DOCK9: variants seen among roughly 807,000 people sequenced by gnomAD.
DOCK9 encodes dedicator of cytokinesis 9, also known as dedicator of cytokinesis protein 9.
In DOCK9, 89 loss-of-function variants were observed where a neutral mutation model predicts 263.3. The ratio of observed to expected loss-of-function variants is 0.34; its 90% CI spans 0.28 to 0.40. The LOEUF is 0.40. Among genes scored for constraint, DOCK9 ranks in the 10% least tolerant of loss-of-function variants. The pLI is 1.00. For missense variants in DOCK9, 2,140 were observed against 2,603.4 expected (o/e 0.82, Z 3.87); for synonymous variants, 976 against 973.1 (o/e 1.00, Z -0.06).
chr13:98,884,181 T>C (rs1472119112), intron 21 of DOCK9, among the ~76,000 whole-genome samples: 3 of 152,216 alleles, frequency 2.0e-5, no homozygotes, highest in Non-Finnish European at 2.9e-5. Flanking sequence ...AGAATCCTAT[T>C]ACACCAGCAT....
intron 1 of DOCK9, among the ~76,000 whole-genome samples, chr13:99,008,045 T>C (rs534297418): frequency 5.9e-5 from 9 of 151,934 alleles, no homozygotes; most frequent in South Asian, 4.2e-4. Flanking sequence ...TATCACAACA[T>C]TTATAATTGG....
intron 2 of DOCK9, among the ~76,000 whole-genome samples, chr13:98,937,920 T>G (rs1427425734): frequency 6.6e-6 from 1 of 152,212 alleles, no homozygotes; most frequent in Admixed American, 6.5e-5. Flanking sequence ...TCTGAGCCAC[T>G]GTGGGAAGCC....
intron 30 of DOCK9, among the ~76,000 whole-genome samples, chr13:98,864,651 T>C (rs1250075060): frequency 6.6e-6 from 1 of 152,242 alleles, no homozygotes; most frequent in African/African-American, 2.4e-5. Flanking sequence ...ATGGTTTAAC[T>C]GGGAGTGTGC....
chr13:98,876,533 C>T (rs1185230164), intron 27 of DOCK9, among the ~76,000 whole-genome samples: 1 of 152,108 alleles, frequency 6.6e-6, no homozygotes, highest in Non-Finnish European at 1.5e-5. Context: ...ATATTAAAAA[C>T]CCTAAGGGGA....
At chr13:98,996,114 G>A (rs1567184989) in intron 1 of DOCK9, among the ~76,000 whole-genome samples, 1 of 152,174 alleles carries the variant, frequency 6.6e-6, no homozygotes, top group African/African-American at 2.4e-5. Context: ...GGACATATAC[G>A]CACTGGGATG....
intron 1 of DOCK9, among the ~76,000 whole-genome samples, chr13:99,008,950 C>T (rs999251347): frequency 6.6e-6 from 1 of 152,154 alleles, no homozygotes; most frequent in Non-Finnish European, 1.5e-5. Flanking sequence ...ACAATTCAGT[C>T]CATTGCAACT....
intron 1 of DOCK9, among the ~76,000 whole-genome samples, chr13:99,030,200 T>C (rs1000764573): frequency 1.3e-5 from 2 of 152,230 alleles, no homozygotes; most frequent in East Asian, 3.8e-4. Context: ...TGCACAAATG[T>C]GCAAATTTAC....
At chr13:98,924,840 TG>T (rs1196736571) in intron 4 of DOCK9, among the ~76,000 whole-genome samples, 1 of 152,164 alleles carries the variant, frequency 6.6e-6, no homozygotes, top group Non-Finnish European at 1.5e-5. Context: ...CTATGCTTCT[TG>T]TACAACCTGC....
chr13:98,882,031 T>C, intron 23 of DOCK9, 24 bp from the exon 24 acceptor site: 1 of 1,542,826 alleles, frequency 6.5e-7, no homozygotes, highest in Non-Finnish European at 8.8e-7. Context: ...ATGGCACAGT[T>C]CATGTTATCC....
chr13:99,009,266 A>C (rs1417998897), intron 1 of DOCK9, among the ~76,000 whole-genome samples: 1 of 152,224 alleles, frequency 6.6e-6, no homozygotes, highest in African/African-American at 2.4e-5. Context: ...ATGACACAGG[A>C]AATGGATCAA....
intron 1 of DOCK9, among the ~76,000 whole-genome samples, chr13:98,962,494 C>T (rs1335931583): frequency 2.0e-5 from 3 of 152,168 alleles, no homozygotes; most frequent in African/African-American, 7.2e-5. Flanking sequence ...GTTAGGAAAG[C>T]CGAGCTGTGC....
chr13:98,970,981 CCAAA>C (rs1338401342), intron 1 of DOCK9, among the ~76,000 whole-genome samples: 1 of 152,146 alleles, frequency 6.6e-6, no homozygotes, highest in Non-Finnish European at 1.5e-5. Flanking sequence ...AACTCAAAAC[CCAAA>C]CAATTTTGAA....
At position 98,825,809 on chromosome 13, in the gene DOCK9, C is replaced by T; in HGVS notation, c.5023+1021G>A. ...CAAAGTTAAAAGGGCAAATCCCCCA[C>T]CACGGGAGGGCACGTGACCAGGGCA... On this transcript the variant is annotated intron_variant, in intron 44 of 52. Coordinates refer to ENST00000682017, the MANE Select transcript of DOCK9 (RefSeq NM_001366683.2). The surrounding 1 kb of genome is among the most constrained non-coding windows in gnomAD (Gnocchi z 4.1). 8.6e-7 allele frequency: 1 copy of T among 1,167,276 alleles called. No homozygotes were observed. The highest frequency in any genetic ancestry group is 1.1e-6 in the Non-Finnish European group (1 of 870,740). The allele number at this position is 1,167,276 out of a possible 1,614,324, so 72.3% of individuals were successfully genotyped here.
intron 2 of DOCK9, among the ~76,000 whole-genome samples, chr13:98,931,264 T>C (rs890125572): frequency 6.6e-6 from 1 of 151,486 alleles, no homozygotes; most frequent in African/African-American, 2.4e-5. Flanking sequence ...GCTTAAGGTT[T>C]CCTTTTCTTT....
At chr13:98,979,215 A>AGTG (rs1255576045), upstream of DOCK9, among the ~76,000 whole-genome samples, 5 of 130,032 alleles carry the variant, frequency 3.8e-5, no homozygotes, top group Non-Finnish European at 6.6e-5. Context: ...TAGTAGTAGT[A>AGTG]GTAGTAGTAG....
chr13:98,827,007 AGTAT>A, intron 43 of DOCK9, 120 bp from the exon 44 acceptor site: 5 of 644,500 alleles, frequency 7.8e-6, no homozygotes, highest in Non-Finnish European at 1.0e-5. Flanking sequence ...TGCACCAGCT[AGTAT>A]TTCTAATAGC....
intron 1 of DOCK9, among the ~76,000 whole-genome samples, chr13:99,078,276 G>A (rs1403714599): frequency 1.3e-5 from 2 of 152,228 alleles, no homozygotes; most frequent in African/African-American, 2.4e-5. Context: ...GCCCCCCTTC[G>A]GAGTGAAGGG....
At chr13:98,963,908 A>G (rs1019416591) in intron 1 of DOCK9, among the ~76,000 whole-genome samples, 8 of 152,244 alleles carry the variant, frequency 5.3e-5, no homozygotes, top group Non-Finnish European at 1.5e-5. Context: ...GACTCTCGCT[A>G]CGTAGCCCCA....
intron 15 of DOCK9, among the ~76,000 whole-genome samples, chr13:98,896,586 C>A (rs970841965): frequency 1.3e-5 from 2 of 152,096 alleles, no homozygotes; most frequent in African/African-American, 4.8e-5. Flanking sequence ...GCCCTCAGCT[C>A]TTTCACATTC....
Sources: allele counts gnomAD v4.1 joint callset (sites outside exome capture counted in the v4.1 genomes callset), GRCh38; gene constraint gnomAD v4.1.1; non-coding constraint Gnocchi (gnomAD v3.1); transcripts MANE v1.5; gene names NCBI Gene and HGNC (gene_info 2026-07-23, HGNC 2026-07-21).